AKR1C8: variants seen among roughly 807,000 people sequenced by gnomAD.
AKR1C8 encodes the protein aldo-keto reductase family 1 member C-like protein 1.
chr10:5,184,817 CAAT>C, the AKR1C8 span, among the ~76,000 whole-genome samples: 1 of 152,194 alleles, frequency 6.6e-6, no homozygotes, highest in African/African-American at 2.4e-5. Flanking sequence ...TCCCCACAAT[CAAT>C]AACTTGCCAT....
chr10:5,131,189 C>T, the AKR1C8 span, among the ~76,000 whole-genome samples: 1 of 151,860 alleles, frequency 6.6e-6, no homozygotes, highest in Non-Finnish European at 1.5e-5. Context: ...CAAGATGGAT[C>T]AAAAACTTAA....
the AKR1C8 span, among the ~76,000 whole-genome samples, chr10:5,117,522 G>A: frequency 6.6e-6 from 1 of 152,090 alleles, no homozygotes; most frequent in African/African-American, 2.4e-5. Context: ...ACCCACTCAG[G>A]ACATGCTGGT....
At chr10:5,179,486 T>C in the AKR1C8 span, among the ~76,000 whole-genome samples, 15 of 152,148 alleles carry the variant, frequency 9.9e-5, no homozygotes, top group Non-Finnish European at 2.2e-4. Flanking sequence ...GGAGTACCTT[T>C]GTGGCATTCT....
At chr10:5,173,648 TAA>T in the AKR1C8 span, among the ~76,000 whole-genome samples, 44 of 149,094 alleles carry the variant, frequency 3.0e-4, no homozygotes, top group African/African-American at 3.4e-4. Flanking sequence ...ACAAAACGAT[TAA>T]AAAAAAAAAA....
At chr10:5,132,663 G>T in the AKR1C8 span, 1 of 1,591,254 alleles carries the variant, frequency 6.3e-7, no homozygotes, top group South Asian at 1.1e-5. Context: ...GCTTCAGATG[G>T]CCAGTCCAAC....
the AKR1C8 span, chr10:5,157,716 G>C: frequency 4.2e-6 from 2 of 472,638 alleles, no homozygotes; most frequent in Middle Eastern, 3.3e-4. Flanking sequence ...AGCGCAGGGC[G>C]ACCTGGCCTG....
the AKR1C8 span, among the ~76,000 whole-genome samples, chr10:5,167,391 C>T: frequency 2.6e-5 from 4 of 152,158 alleles, no homozygotes; most frequent in African/African-American, 9.7e-5. Flanking sequence ...ACCCAAATGT[C>T]CAACAATGAT....
chr10:5,157,237 C>G, the AKR1C8 span, among the ~76,000 whole-genome samples: 79,857 of 151,974 alleles, frequency 0.53, 21,991 homozygotes, highest in Non-Finnish European at 0.6. Flanking sequence ...TGAAAACTGG[C>G]CTGGGGTGTC....
chr10:5,133,929 T>C, the AKR1C8 span, among the ~76,000 whole-genome samples: 1 of 152,182 alleles, frequency 6.6e-6, no homozygotes, highest in Non-Finnish European at 1.5e-5. Flanking sequence ...AAAAGATTAG[T>C]AAAGTATATT....
At chr10:5,160,381 A>G in the AKR1C8 span, among the ~76,000 whole-genome samples, 72 of 124,032 alleles carry the variant, frequency 5.8e-4, no homozygotes, top group Admixed American at 4.5e-4. Flanking sequence ...CTAGAATGGG[A>G]AAAAAAAATG....
At chr10:5,179,436 T>A in the AKR1C8 span, among the ~76,000 whole-genome samples, 1 of 152,148 alleles carries the variant, frequency 6.6e-6, no homozygotes, top group African/African-American at 2.4e-5. Context: ...TCAACTTTGG[T>A]GAATCTGACA....
chr10:5,161,417 T>A, the AKR1C8 span, among the ~76,000 whole-genome samples: 10 of 152,208 alleles, frequency 6.6e-5, no homozygotes, highest in Non-Finnish European at 1.2e-4. Context: ...ACATGCACCA[T>A]CCCAGGTATC....
chr10:5,160,102 T>C, the AKR1C8 span: 5 of 281,328 alleles, frequency 1.8e-5, 1 homozygote, highest in Non-Finnish European at 3.8e-5. Context: ...TTTTAACATA[T>C]ATAAATATTA....
the AKR1C8 span, among the ~76,000 whole-genome samples, chr10:5,143,232 T>C: frequency 3.1e-4 from 47 of 152,082 alleles, no homozygotes; most frequent in Admixed American, 9.8e-4. Context: ...AAAGTCAGCT[T>C]GCTCTCTCTC....
At chr10:5,169,871 C>T in the AKR1C8 span, among the ~76,000 whole-genome samples, 1 of 151,930 alleles carries the variant, frequency 6.6e-6, no homozygotes, top group African/African-American at 2.4e-5. Flanking sequence ...GAGTAATTTT[C>T]ACTTAGTTAC....
the AKR1C8 span, chr10:5,154,179 A>C: frequency 2.6e-5 from 12 of 470,488 alleles, no homozygotes; most frequent in Non-Finnish European, 4.9e-5. Flanking sequence ...GGTGATTAGC[A>C]GCACTGAAAG....
the AKR1C8 span, among the ~76,000 whole-genome samples, chr10:5,157,481 T>A: frequency 6.6e-6 from 1 of 152,188 alleles, no homozygotes; most frequent in Non-Finnish European, 1.5e-5. Context: ...CTGAGTTCAG[T>A]GCCCTCTCGT....
the AKR1C8 span, among the ~76,000 whole-genome samples, chr10:5,148,241 TAGAG>T: frequency 2.0e-5 from 3 of 151,246 alleles, no homozygotes; most frequent in African/African-American, 4.9e-5. Context: ...ACATAGGAGA[TAGAG>T]AGGAGGAGGG....
the AKR1C8 span, chr10:5,162,796 A>G: frequency 2.3e-6 from 1 of 426,344 alleles, no homozygotes; most frequent in African/African-American, 2.0e-5. Flanking sequence ...TTTCATTTCA[A>G]AATAATATAT....
Sources: allele counts gnomAD v4.1 joint callset (sites outside exome capture counted in the v4.1 genomes callset), GRCh38; gene constraint gnomAD v4.1.1; transcripts MANE v1.5; gene names NCBI Gene and HGNC (gene_info 2026-07-23, HGNC 2026-07-21).